The following FAF1 variants were observed in gnomAD, a reference collection of about 807,000 sequenced individuals.
FAF1 encodes FAS-associated factor 1.
A neutral mutation model predicts 92.5 loss-of-function variants in FAF1; 25 were observed. That is an observed-to-expected ratio of 0.27 (90% CI 0.20 to 0.38). The LOEUF (loss-of-function observed/expected upper bound fraction) is 0.38. FAF1 is among the 10% of genes least tolerant of loss of function. The pLI is 1.00. For missense variants in FAF1, 636 were observed against 793.3 expected, an observed-to-expected ratio of 0.80 and a Z score of 2.38; for synonymous variants, 234 against 273.2, an observed-to-expected ratio of 0.86 and a Z score of 1.42.
At chr1:50,517,800 T>C (rs1368383493) in intron 15 of FAF1, among the ~76,000 whole-genome samples, 1 of 152,214 alleles carries the variant, frequency 6.6e-6, no homozygotes, top group Non-Finnish European at 1.5e-5. Flanking sequence ...ATGGGTATAA[T>C]AAAACCTGCC....
At chr1:50,799,645 C>T (rs1661898699) in intron 3 of FAF1, among the ~76,000 whole-genome samples, 2 of 152,276 alleles carry the variant, frequency 1.3e-5, no homozygotes, top group South Asian at 2.1e-4. Context: ...TTCATTATCT[C>T]ATGAGAATAT....
chr1:50,806,160 G>C (rs1488473210), intron 2 of FAF1, among the ~76,000 whole-genome samples: 1 of 151,934 alleles, frequency 6.6e-6, no homozygotes, highest in Non-Finnish European at 1.5e-5. Flanking sequence ...AAATTCTGGA[G>C]ACTTAACAAG....
intron 13 of FAF1, among the ~76,000 whole-genome samples, chr1:50,541,752 A>G (rs1168738138): frequency 6.6e-6 from 1 of 152,050 alleles, no homozygotes; most frequent in Non-Finnish European, 1.5e-5. Context: ...GAAATAAAGG[A>G]AAGAAAGAGA....
intron 8 of FAF1, among the ~76,000 whole-genome samples, chr1:50,635,654 G>A (rs1381471299): frequency 3.3e-5 from 5 of 152,112 alleles, no homozygotes; most frequent in East Asian, 1.9e-4. Flanking sequence ...TCGAACTGCT[G>A]AGCTCAGGCT....
intron 2 of FAF1, among the ~76,000 whole-genome samples, chr1:50,844,982 TAA>T (rs1481104583): frequency 1.3e-5 from 2 of 152,106 alleles, no homozygotes; most frequent in East Asian, 3.8e-4. Flanking sequence ...TACAGAAATG[TAA>T]AATGTGGTGG....
intron 6 of FAF1, among the ~76,000 whole-genome samples, chr1:50,720,267 A>G (rs1296620574): frequency 6.6e-6 from 1 of 152,152 alleles, no homozygotes; most frequent in Non-Finnish European, 1.5e-5. Context: ...CCAAAAAATG[A>G]GCCACTTTTA....
chr1:50,899,057 GT>G (rs1644776734), intron 1 of FAF1, among the ~76,000 whole-genome samples: 1 of 151,644 alleles, frequency 6.6e-6, no homozygotes, highest in Non-Finnish European at 1.5e-5. Flanking sequence ...TCTCTGTTTT[GT>G]TTTGCATAAT....
intron 6 of FAF1, among the ~76,000 whole-genome samples, chr1:50,711,310 A>T (rs1005209963): frequency 6.6e-6 from 1 of 152,204 alleles, no homozygotes. Context: ...TCTTACAGTG[A>T]TAGTGAAACA....
At chr1:50,792,245 T>C (rs574945067) in intron 3 of FAF1, among the ~76,000 whole-genome samples, 37 of 152,308 alleles carry the variant, frequency 2.4e-4, no homozygotes, top group African/African-American at 7.9e-4. Flanking sequence ...ATTTTAAAAA[T>C]AGCCTTTTTA....
intron 1 of FAF1, among the ~76,000 whole-genome samples, chr1:50,884,607 T>A (rs1485986978): frequency 6.6e-6 from 1 of 152,072 alleles, no homozygotes; most frequent in Non-Finnish European, 1.5e-5. Context: ...CTCAGACACA[T>A]CCCCCTTGGT....
intron 6 of FAF1, among the ~76,000 whole-genome samples, chr1:50,736,610 G>A (rs899030135): frequency 6.6e-6 from 1 of 152,018 alleles, no homozygotes; most frequent in African/African-American, 2.4e-5. Context: ...AATTAGCCAG[G>A]CGTAGTGGTG....
At chr1:50,804,137 C>T (rs1426057855) in intron 2 of FAF1, among the ~76,000 whole-genome samples, 1 of 152,070 alleles carries the variant, frequency 6.6e-6, no homozygotes, top group Non-Finnish European at 1.5e-5. Context: ...AAGCACTATG[C>T]TAGACAATTA....
At chr1:50,828,205 C>A (rs961617851) in intron 2 of FAF1, among the ~76,000 whole-genome samples, 2 of 150,482 alleles carry the variant, frequency 1.3e-5, no homozygotes, top group African/African-American at 4.9e-5. Context: ...GGTAGGAATA[C>A]TTGATTTATG....
chr1:50,904,172 G>C (rs543489227), intron 1 of FAF1, among the ~76,000 whole-genome samples: 22 of 152,308 alleles, frequency 1.4e-4, no homozygotes, highest in Admixed American at 3.9e-4. Flanking sequence ...ACATACAAGA[G>C]AGTATTATTC....
intron 12 of FAF1, among the ~76,000 whole-genome samples, chr1:50,579,127 T>C (rs1311900911): frequency 6.6e-6 from 1 of 152,126 alleles, no homozygotes. Context: ...ATTAGAAATA[T>C]CCAGGAGTTA....
intron 6 of FAF1, among the ~76,000 whole-genome samples, chr1:50,725,337 C>A (rs1658601610): frequency 1.3e-5 from 2 of 152,134 alleles, no homozygotes; most frequent in African/African-American, 2.4e-5. Flanking sequence ...ACTTACTACT[C>A]CTCAATTTCT....
intron 12 of FAF1, among the ~76,000 whole-genome samples, chr1:50,578,667 A>G (rs1650859480): frequency 6.6e-6 from 1 of 152,178 alleles, no homozygotes. Flanking sequence ...AGGATTATAT[A>G]TCCCTATTTC....
intron 8 of FAF1, among the ~76,000 whole-genome samples, chr1:50,599,024 G>A (rs1044549295): frequency 6.6e-6 from 1 of 152,234 alleles, no homozygotes; most frequent in African/African-American, 2.4e-5. Flanking sequence ...CAGGCACAGG[G>A]TTCTTGAGAT....
intron 1 of FAF1, among the ~76,000 whole-genome samples, chr1:50,897,140 G>T (rs913034792): frequency 4.6e-5 from 7 of 152,068 alleles, no homozygotes; most frequent in African/African-American, 9.7e-5. Flanking sequence ...AACTATAAAA[G>T]TCTAATGAAA....
Sources: gnomAD v4.1 joint callset for allele counts (sites outside exome capture counted in the v4.1 genomes callset) on GRCh38, gnomAD v4.1.1 for gene constraint, MANE v1.5 for transcripts, NCBI Gene and HGNC (gene_info 2026-07-23, HGNC 2026-07-21) for gene names.